Variants in RIC8B observed in about 807,000 individuals in gnomAD.
RIC8B encodes the protein RIC8 guanine nucleotide exchange factor B.
Under a neutral mutation model 57.5 loss-of-function variants are expected in RIC8B, and 16 were observed. That is an observed-to-expected ratio of 0.28 (90% confidence interval 0.19 to 0.42). The LOEUF (loss-of-function observed/expected upper bound fraction) is 0.42. Ranked by LOEUF, RIC8B falls within the 10% of genes least tolerant of loss-of-function variation. The pLI is 1.00. For missense variants in RIC8B, 481 were observed against 677.0 expected, an observed-to-expected ratio of 0.71 and a Z score of 3.21; for synonymous variants, 216 against 250.8, an observed-to-expected ratio of 0.86 and a Z score of 1.31.
chr12:106,835,201 G>A (rs1214631696), intron 4 of RIC8B, among the ~76,000 whole-genome samples: 1 of 152,018 alleles, frequency 6.6e-6, no homozygotes, highest in East Asian at 1.9e-4. Context: ...AAGGTCATTA[G>A]TAAGTTACCT....
At chr12:106,794,290 C>G (rs1013661140) in intron 2 of RIC8B, among the ~76,000 whole-genome samples, 1 of 151,822 alleles carries the variant, frequency 6.6e-6, no homozygotes, top group Non-Finnish European at 1.5e-5. Flanking sequence ...TAAAGAAAAA[C>G]GAAGAGAGCC....
chr12:106,825,690 A>G (rs1398353191), intron 3 of RIC8B, 36 bp from the exon 4 acceptor site: 10 of 1,527,002 alleles, frequency 6.5e-6, no homozygotes, highest in Non-Finnish European at 7.3e-6. Context: ...CAGGCATTCA[A>G]CCCCCAATGT....
chr12:106,795,307 T>C (rs1321713883), intron 2 of RIC8B, among the ~76,000 whole-genome samples: 1 of 152,196 alleles, frequency 6.6e-6, no homozygotes. Flanking sequence ...GTTCGTCTTC[T>C]CACGCCAAGA....
In RIC8B at chr12:106,825,784, T is replaced by A; in HGVS notation, c.800T>A (p.Val267Glu). ...GTCCTTCGTCATTGTTTACTAATCGTAGGTCCAACTGAAGACAAAACAGAA... is the reference window on the plus strand; with the variant it reads ...GTCCTTCGTCATTGTTTACTAATCGAAGGTCCAACTGAAGACAAAACAGAA... ...AAVLRHCLLIVGPTEDKTEEL... is the reference protein window; with the variant it reads ...AAVLRHCLLIEGPTEDKTEEL... Residue 267 changes from valine (V) to glutamate (E), a missense_variant, in exon 4 of 10, where the codon GTA becomes GAA. Val to Glu is a moderately radical substitution (Grantham distance 121, BLOSUM62 -2). Coordinates refer to ENST00000392837, the MANE Select transcript of RIC8B (RefSeq NM_001330145.2). 1 of 1,613,778 alleles carries A rather than the reference T, an allele frequency of 6.2e-7. No homozygotes were observed. Among genetic ancestry groups the A allele is most frequent in the Non-Finnish European group, 8.5e-7 (1 of 1,179,684 alleles).
intron 2 of RIC8B, among the ~76,000 whole-genome samples, chr12:106,793,197 G>A (rs2044333475): frequency 6.6e-6 from 1 of 152,078 alleles, no homozygotes; most frequent in South Asian, 2.1e-4. Context: ...GGAGATCAAG[G>A]GTTGCTGTAC....
At chr12:106,874,460 C>G (rs1001309022) in intron 9 of RIC8B, 4 of 1,542,728 alleles carry the variant, frequency 2.6e-6, no homozygotes, top group Non-Finnish European at 3.5e-6. Context: ...ACACTAGACA[C>G]TTCCTTTTTT....
intron 3 of RIC8B, among the ~76,000 whole-genome samples, chr12:106,823,703 A>C (rs1200262670): frequency 1.4e-5 from 2 of 140,602 alleles, no homozygotes; most frequent in African/African-American, 5.4e-5. Flanking sequence ...TTTTTTTTTG[A>C]GACGGAGTTT....
intron 1 of RIC8B, chr12:106,775,475 C>T (rs893780137): frequency 5.0e-6 from 2 of 401,428 alleles, no homozygotes; most frequent in Admixed American, 5.6e-5. Flanking sequence ...ATTTGTATCG[C>T]ATTAACAGCT....
chr12:106,863,719 TC>T (rs947870554), intron 8 of RIC8B, among the ~76,000 whole-genome samples: 2 of 152,038 alleles, frequency 1.3e-5, no homozygotes, highest in Non-Finnish European at 2.9e-5. Flanking sequence ...AATTCAGAGT[TC>T]TAAAAGACCA....
intron 2 of RIC8B, among the ~76,000 whole-genome samples, chr12:106,789,889 T>G (rs190029666): frequency 6.6e-6 from 1 of 151,806 alleles, no homozygotes; most frequent in Non-Finnish European, 1.5e-5. Context: ...GAAAAATCTT[T>G]GTGACAACTT....
chr12:106,789,357 G>C (rs373696685), intron 2 of RIC8B, among the ~76,000 whole-genome samples: 1 of 152,168 alleles, frequency 6.6e-6, no homozygotes, highest in East Asian at 1.9e-4. Context: ...CTGATACCTA[G>C]TTCCAAAGTT....
chr12:106,844,682 G>A (rs1949107617), intron 6 of RIC8B, among the ~76,000 whole-genome samples: 1 of 152,202 alleles, frequency 6.6e-6, no homozygotes, highest in South Asian at 2.1e-4. Flanking sequence ...AGCACAAATG[G>A]ATGCAAGGAG....
At chr12:106,874,797 C>T (rs1187810467) in intron 9 of RIC8B, among the ~76,000 whole-genome samples, 1 of 151,990 alleles carries the variant, frequency 6.6e-6, no homozygotes, top group Non-Finnish European at 1.5e-5. Context: ...CATTGAATAC[C>T]AGCTGACTTA....
At chr12:106,779,851 C>T (rs2043672365) in intron 1 of RIC8B, among the ~76,000 whole-genome samples, 1 of 148,118 alleles carries the variant, frequency 6.8e-6, no homozygotes, top group Non-Finnish European at 1.5e-5. Context: ...GCTCTTGCTC[C>T]CCCACGGGGG....
chr12:106,774,962 G>A (rs535511794), intron 1 of RIC8B, 133 bp downstream of exon 1: 1 of 686,070 alleles, frequency 1.5e-6, no homozygotes, highest in Non-Finnish European at 2.5e-6. Flanking sequence ...TTCCGGCTTG[G>A]GCATGCGTGT....
intron 8 of RIC8B, 101 bp from the exon 9 acceptor site, chr12:106,870,722 C>T: frequency 1.1e-6 from 1 of 895,230 alleles, no homozygotes; most frequent in Non-Finnish European, 1.6e-6. Flanking sequence ...AATTTTTTGG[C>T]TATTATACTC....
At chr12:106,829,448 C>G (rs1042986971) in intron 4 of RIC8B, among the ~76,000 whole-genome samples, 1 of 152,162 alleles carries the variant, frequency 6.6e-6, no homozygotes, top group African/African-American at 2.4e-5. Context: ...TTTTCTTTTA[C>G]TCACTGAGTA....
intron 9 of RIC8B, among the ~76,000 whole-genome samples, chr12:106,873,466 T>A (rs1372446165): frequency 6.6e-6 from 1 of 152,212 alleles, no homozygotes; most frequent in Non-Finnish European, 1.5e-5. Flanking sequence ...CTTACATGTC[T>A]TTTGTGCTGT....
At chr12:106,827,734 T>C (rs533238074) in intron 4 of RIC8B, among the ~76,000 whole-genome samples, 7 of 152,322 alleles carry the variant, frequency 4.6e-5, no homozygotes, top group Admixed American at 2.6e-4. Context: ...CCTAACAAGA[T>C]TTTATTAAAC....
Sources: gnomAD v4.1 joint callset for allele counts (sites outside exome capture counted in the v4.1 genomes callset) on GRCh38, gnomAD v4.1.1 for gene constraint, MANE v1.5 for transcripts, NCBI Gene and HGNC (gene_info 2026-07-23, HGNC 2026-07-21) for gene names.